The following CPED1 variants were observed in gnomAD, a reference collection of about 807,000 sequenced individuals.
CPED1 encodes cadherin like and PC-esterase domain containing 1.
CPED1 carries 114 observed loss-of-function variants against 128.2 expected under a neutral mutation model. That is an observed-to-expected ratio of 0.89 (90% CI 0.76 to 1.04). The LOEUF is 1.04. Among genes scored for constraint, CPED1 ranks in the 50% least tolerant of loss-of-function variants. CPED1 has a pLI of 0.00. For missense variants in CPED1, 1,211 were observed against 1,207.1 expected (o/e 1.00, Z -0.05); for synonymous variants, 462 against 426.7 (o/e 1.08, Z -1.02).
intron 16 of CPED1, among the ~76,000 whole-genome samples, chr7:121,201,770 C>G (rs980382812): frequency 2.6e-5 from 4 of 152,028 alleles, no homozygotes; most frequent in African/African-American, 9.7e-5. Flanking sequence ...GTCCTCCTCT[C>G]CTCTACACCT....
intron 3 of CPED1, among the ~76,000 whole-genome samples, chr7:121,042,890 A>G (rs1010243235): frequency 1.3e-5 from 2 of 152,212 alleles, no homozygotes; most frequent in Admixed American, 1.3e-4. Flanking sequence ...GAGCAAGGCT[A>G]AATCATATAG....
At chr7:121,284,976 T>G (rs1035097400) in intron 22 of CPED1, among the ~76,000 whole-genome samples, 19 of 152,324 alleles carry the variant, frequency 1.2e-4, no homozygotes, top group Admixed American at 1.0e-3. Context: ...TTCTGCACTG[T>G]CCTAGCAGAG....
At chr7:121,098,828 TATATATATAA>T (rs1794769946) in intron 6 of CPED1, among the ~76,000 whole-genome samples, 1 of 144,690 alleles carries the variant, frequency 6.9e-6, no homozygotes, top group Non-Finnish European at 1.5e-5. Flanking sequence ...TATATATAAA[TATATATATAA>T]ATATATATGT....
intron 21 of CPED1, among the ~76,000 whole-genome samples, chr7:121,267,611 T>C (rs1296311694): frequency 6.6e-6 from 1 of 152,046 alleles, no homozygotes; most frequent in African/African-American, 2.4e-5. Flanking sequence ...AAATAGTCTT[T>C]GAAGTAGTAT....
intron 17 of CPED1, among the ~76,000 whole-genome samples, chr7:121,239,245 G>A (rs77699599): frequency 0.059 from 8,910 of 151,976 alleles, 392 homozygotes; most frequent in Non-Finnish European, 0.08. Flanking sequence ...ACAGCTATTT[G>A]GCAAAACTGG....
intron 4 of CPED1, 67 bp from the exon 5 acceptor site, chr7:121,064,171 G>A (rs1793763155): frequency 9.2e-7 from 1 of 1,082,418 alleles, no homozygotes; most frequent in Non-Finnish European, 1.4e-6. Context: ...GGTTTTTTGT[G>A]TTTGCTTGGT....
At chr7:121,027,931 C>T (rs1585026681) in intron 3 of CPED1, among the ~76,000 whole-genome samples, 1 of 151,912 alleles carries the variant, frequency 6.6e-6, no homozygotes, top group East Asian at 1.9e-4. Context: ...ACTAAACAAG[C>T]GATTAAGGGA....
chr7:121,210,921 A>T (rs1314860818), intron 16 of CPED1, among the ~76,000 whole-genome samples: 1 of 152,040 alleles, frequency 6.6e-6, no homozygotes, highest in Admixed American at 6.6e-5. Flanking sequence ...CATGTATCCT[A>T]CAAGTATTGT....
chr7:121,144,855 A>G (rs1795987575), intron 16 of CPED1, among the ~76,000 whole-genome samples: 1 of 152,052 alleles, frequency 6.6e-6, no homozygotes, highest in Non-Finnish European at 1.5e-5. Flanking sequence ...AATTAAAAGA[A>G]GCCAGATATA....
At position 121,130,147 on chromosome 7, in the gene CPED1, G is replaced by T; in HGVS notation, c.1430G>T (p.Gly477Val). 1 of 1,612,420 alleles carries T rather than the reference G, an allele frequency of 6.2e-7. No individual in the cohort carries two copies. The highest frequency in any genetic ancestry group is 8.5e-7 in the Non-Finnish European group (1 of 1,178,924). Residue 477 changes from glycine to valine, a missense_variant, in exon 12 of 23, where the codon GGG (glycine) becomes GTG (valine). By Grantham distance (109) the Gly-to-Val change is moderately radical. Coordinates refer to ENST00000310396, the MANE Select transcript of CPED1 (RefSeq NM_024913.5). ...FQLLFPSTTP[G>V]IQSLMHEFYD... is the part of the protein sequence containing the mutation. ...CAGCTCTTCCCATCTACTACTCCTG[G>T]GATTCAGTCACTGATGCATGAATTT...
intron 2 of CPED1, among the ~76,000 whole-genome samples, chr7:121,002,676 A>G (rs1246967464): frequency 1.3e-5 from 2 of 152,050 alleles, no homozygotes; most frequent in Non-Finnish European, 1.5e-5. Context: ...TCTTTTAAAA[A>G]AACAATGATT....
chr7:121,011,864 G>T (rs943994442), intron 2 of CPED1, among the ~76,000 whole-genome samples: 1 of 152,084 alleles, frequency 6.6e-6, no homozygotes, highest in Admixed American at 6.5e-5. Context: ...TTAATTGAAA[G>T]GCTTATGGAA....
chr7:120,996,909 G>A lies in CPED1; in HGVS notation c.249+7039G>A, dbSNP rs116806639. On this transcript the variant is annotated intron_variant, in intron 2 of 22. Coordinates refer to ENST00000310396, the MANE Select transcript of CPED1 (RefSeq NM_024913.5). ...GCTGAAAGCTTTCAGGAGTTGTAAC[G>A]TTGAGCGCACTCAATTGAGTAGAAA... 3.7e-3 allele frequency among the ~76,000 whole-genome samples: 565 copies of A among 152,276 alleles called. 3 individuals are homozygous for A. The highest frequency in any genetic ancestry group is 0.013 in the African/African-American group (540 of 41,552).
intron 3 of CPED1, among the ~76,000 whole-genome samples, chr7:121,032,308 T>C (rs1792754794): frequency 6.6e-6 from 1 of 152,128 alleles, no homozygotes. Flanking sequence ...AACAGTGAAT[T>C]ATGTTCTAAG....
In CPED1 at chr7:121,295,819, C is replaced by A; in HGVS notation, c.*167C>A. ...TACACACACAGTTAAATAATGATAA[C>A]ACTTCTTACAGCTTTATGAATTCAA... On this transcript the variant is annotated 3_prime_UTR_variant, in exon 23 of 23. Transcript: ENST00000310396. 1.8e-6 allele frequency: 1 copy of A among 556,460 alleles called. No homozygotes were observed. The highest frequency in any genetic ancestry group is 3.2e-6 in the Non-Finnish European group (1 of 312,726). 34.5% of individuals were successfully genotyped at this position (556,460 alleles called of 1,614,324 possible). A position where few individuals can be genotyped will look rare whatever the true frequency, so the allele number is the denominator to read the frequency against.
In CPED1 at chr7:121,215,471, A is replaced by G. The variant is rs561721778; in HGVS notation, c.2056-21243A>G. ...AGTAAGAAAATTAGATTCCAAGGCC[A>G]GGGAAACTGCATACTTTATCTTGGA... On this transcript the variant is annotated intron_variant, in intron 16 of 22. Transcript: ENST00000310396. 9.2e-5 allele frequency among the ~76,000 whole-genome samples: 14 copies of G among 152,252 alleles called. 1 individual carries two copies. In the South Asian group the frequency reaches 2.7e-3, roughly 29 times the overall value.
chr7:121,086,270 T>A (rs904573541), intron 5 of CPED1, among the ~76,000 whole-genome samples: 1 of 152,142 alleles, frequency 6.6e-6, no homozygotes, highest in Admixed American at 6.5e-5. Flanking sequence ...ATATCTAAAT[T>A]TTTCCAATTA....
chr7:121,166,374 A>G (rs1796525309), intron 16 of CPED1, among the ~76,000 whole-genome samples: 1 of 152,224 alleles, frequency 6.6e-6, no homozygotes, highest in Non-Finnish European at 1.5e-5. Flanking sequence ...ATGATAATGG[A>G]TGCAAAAGAC....
At chr7:121,256,127 AAC>A (rs1295499774) in intron 18 of CPED1, among the ~76,000 whole-genome samples, 1,487 of 53,020 alleles carry the variant, frequency 0.028, 65 homozygotes, top group Non-Finnish European at 0.053. Context: ...AAAAAAACAA[AAC>A]AAAAAAAAAA....
Sources: gnomAD v4.1 joint callset for allele counts (sites outside exome capture counted in the v4.1 genomes callset) on GRCh38, gnomAD v4.1.1 for gene constraint, MANE v1.5 for transcripts, NCBI Gene and HGNC (gene_info 2026-07-23, HGNC 2026-07-21) for gene names.